TIAM1: variants seen among roughly 807,000 people sequenced by gnomAD.
TIAM1 encodes the protein rho guanine nucleotide exchange factor TIAM1.
TIAM1 carries 65 observed loss-of-function variants against 163.5 expected under a neutral mutation model. That is an observed-to-expected ratio of 0.40 (90% confidence interval 0.33 to 0.49). TIAM1 has a LOEUF of 0.49. Among genes scored for constraint, TIAM1 ranks in the 20% least tolerant of loss-of-function variants. The pLI is 0.77. For missense variants in TIAM1, 1,789 were observed against 2,044.7 expected, an observed-to-expected ratio of 0.87 and a Z score of 2.41; for synonymous variants, 833 against 810.1, an observed-to-expected ratio of 1.03 and a Z score of -0.48.
At chr21:31,331,132 G>T (rs539804308) in intron 2 of TIAM1, among the ~76,000 whole-genome samples, 1 of 152,034 alleles carries the variant, frequency 6.6e-6, no homozygotes, top group Non-Finnish European at 1.5e-5. Context: ...AAAAATGCTG[G>T]GTTGAATGCA....
At chr21:31,512,602 T>C (rs2147474421) in intron 1 of TIAM1, among the ~76,000 whole-genome samples, 1 of 148,724 alleles carries the variant, frequency 6.7e-6, no homozygotes, top group Non-Finnish European at 1.5e-5. Flanking sequence ...GTCCTGTCTT[T>C]TTCTTTTTTC....
At chr21:31,307,011 T>C (rs2074738658) in intron 2 of TIAM1, among the ~76,000 whole-genome samples, 1 of 151,202 alleles carries the variant, frequency 6.6e-6, no homozygotes, top group Admixed American at 6.6e-5. Context: ...TCATACTGCA[T>C]TGCATCGCCA....
intron 2 of TIAM1, among the ~76,000 whole-genome samples, chr21:31,302,200 T>G (rs1389388587): frequency 6.6e-6 from 1 of 152,088 alleles, no homozygotes; most frequent in Non-Finnish European, 1.5e-5. Context: ...TTTTTAAGGG[T>G]TAAAAATCAC....
intron 2 of TIAM1, among the ~76,000 whole-genome samples, chr21:31,356,147 C>T (rs977549816): frequency 3.3e-4 from 50 of 152,090 alleles, no homozygotes; most frequent in Admixed American, 2.7e-3. Context: ...GTCCTTTTAA[C>T]CAATTCCTTC....
intron 1 of TIAM1, among the ~76,000 whole-genome samples, chr21:31,557,224 C>G (rs1027915215): frequency 1.3e-5 from 2 of 152,214 alleles, no homozygotes; most frequent in Non-Finnish European, 2.9e-5. Flanking sequence ...CCAAGTAAAA[C>G]AAGTCCTGTT....
At position 31,223,580 on chromosome 21, in the gene TIAM1, C is replaced by T; in HGVS notation, c.1821G>A (p.Trp607Ter). 6.3e-7 allele frequency: 1 copy of T among 1,592,486 alleles called. No individual in the cohort carries two copies. The highest frequency in any genetic ancestry group is 8.5e-7 in the Non-Finnish European group (1 of 1,169,656). ...TTTGGAACTGCTCGAGATTTTGCTC[C>T]CAGACAAAGATCTATGGTAGTGAAA... Reference protein sequence around the residue: ...KKTILDQIFVWEQNLEQFQMD... With the variant: ...KKTILDQIFV Residue 607 changes from tryptophan to a stop codon, truncating the protein, a stop_gained, in exon 8 of 28, where the codon TGG (tryptophan) becomes TGA (stop). Transcript: ENST00000541036. LOFTEE classifies it high-confidence loss of function.
At chr21:31,330,412 C>G (rs1181223830) in intron 2 of TIAM1, among the ~76,000 whole-genome samples, 1 of 151,170 alleles carries the variant, frequency 6.6e-6, no homozygotes, top group African/African-American at 2.4e-5. Flanking sequence ...TGGTTTTTTG[C>G]ATGGTTCTTT....
intron 2 of TIAM1, among the ~76,000 whole-genome samples, chr21:31,432,091 C>CTGT (rs2044050566): frequency 1.1e-5 from 1 of 93,664 alleles, no homozygotes; most frequent in African/African-American, 4.6e-5. Context: ...TCTAAGATTC[C>CTGT]TTTTTTTTTT....
chr21:31,517,128 C>T (rs898465292), intron 1 of TIAM1, among the ~76,000 whole-genome samples: 1 of 151,746 alleles, frequency 6.6e-6, no homozygotes, highest in Non-Finnish European at 1.5e-5. Flanking sequence ...TTGCCAAGCA[C>T]TATGTCAGGG....
chr21:31,514,235 T>G (rs2047306854), intron 1 of TIAM1, among the ~76,000 whole-genome samples: 1 of 151,902 alleles, frequency 6.6e-6, no homozygotes, highest in Non-Finnish European at 1.5e-5. Context: ...AACCCAAGAT[T>G]AAAGAAAGTA....
intron 15 of TIAM1, among the ~76,000 whole-genome samples, chr21:31,181,811 A>G (rs2085042287): frequency 2.7e-5 from 2 of 74,734 alleles, no homozygotes; most frequent in Admixed American, 2.2e-4. Flanking sequence ...TTTTTACGAG[A>G]CAGGCCTCTG....
chr21:31,190,469 G>C (rs1286078501), intron 13 of TIAM1, among the ~76,000 whole-genome samples: 1 of 152,038 alleles, frequency 6.6e-6, no homozygotes, highest in Non-Finnish European at 1.5e-5. Flanking sequence ...CCTCAACCTA[G>C]AAAAACCATA....
intron 2 of TIAM1, among the ~76,000 whole-genome samples, chr21:31,283,507 A>ATTTC (rs541860283): frequency 4.6e-5 from 7 of 151,532 alleles, no homozygotes; most frequent in Admixed American, 6.6e-5. Context: ...CTCTTTTCCC[A>ATTTC]TTTCTTTCTT....
intron 6 of TIAM1, among the ~76,000 whole-genome samples, chr21:31,233,466 G>C (rs2146670355): frequency 6.6e-6 from 1 of 152,266 alleles, no homozygotes; most frequent in South Asian, 2.1e-4. Flanking sequence ...CCAGCACTTT[G>C]GGAGGCTGAG....
intron 1 of TIAM1, among the ~76,000 whole-genome samples, chr21:31,470,555 ACTCTTGAC>A (rs1433058706): frequency 6.7e-6 from 1 of 148,790 alleles, no homozygotes; most frequent in Non-Finnish European, 1.5e-5. Flanking sequence ...CTCGTCTCGA[ACTCTTGAC>A]CTCAGGTGAT....
In TIAM1 at chr21:31,217,558, T is replaced by A; in HGVS notation, c.2137A>T (p.Asn713Tyr). The change falls in exon 9 of 28, where the codon AAT becomes TAT. Residue 713 changes from asparagine to tyrosine, a missense_variant. Transcript: ENST00000541036. ...SKKKQGRPSI[N>Y]QVFGEGTEAV... is the part of the protein sequence containing the mutation. ...TCATCTGCTCTGGAACCTACCTGAT[T>A]GATGCTTGGCCGTCCCTGCTTCTTT... The A allele has an allele frequency of 1.2e-6, 2 of 1,613,818 alleles. No homozygotes were observed. The highest frequency in any genetic ancestry group is 1.7e-6 in the Non-Finnish European group (2 of 1,179,854).
chr21:31,545,202 T>A (rs896635355), intron 1 of TIAM1, among the ~76,000 whole-genome samples: 4 of 151,952 alleles, frequency 2.6e-5, no homozygotes, highest in Non-Finnish European at 5.9e-5. Flanking sequence ...CAGACACACA[T>A]GGAGAATGCA....
Position 31,352,205 on chromosome 21 carries a change from A to G in TIAM1, c.-368-12783T>C, listed in dbSNP as rs952634250. Among the ~76,000 whole-genome samples the G allele has an allele frequency of 2.0e-5, 3 of 152,232 alleles. No homozygotes were observed. The East Asian group carries it at 5.8e-4, about 29-fold the overall frequency. The stretch of plus-strand genomic sequence containing the variant: ...TATGTGCCCATCAGATGAATGAATA[A>G]ACAAAATGTGGTATATCTCTGCAAT... On this transcript the variant is annotated intron_variant, in intron 2 of 28. Coordinates refer to the TIAM1 transcript ENST00000286827.
At chr21:31,208,617 T>A (rs1490497727) in intron 11 of TIAM1, among the ~76,000 whole-genome samples, 1 of 152,222 alleles carries the variant, frequency 6.6e-6, no homozygotes, top group Admixed American at 6.5e-5. Flanking sequence ...ATTTTTAGCA[T>A]CCATGTCAGG....
Sources: gnomAD v4.1 joint callset for allele counts (sites outside exome capture counted in the v4.1 genomes callset) on GRCh38, gnomAD v4.1.1 for gene constraint, MANE v1.5 for transcripts, NCBI Gene and HGNC (gene_info 2026-07-23, HGNC 2026-07-21) for gene names.